TESK2: variants seen among roughly 807,000 people sequenced by gnomAD.
The protein encoded by TESK2 is dual specificity testis-specific protein kinase 2.
A neutral mutation model predicts 57.1 loss-of-function variants in TESK2; 39 were observed. That is an observed-to-expected ratio of 0.68 (90% CI 0.53 to 0.89). The LOEUF (loss-of-function observed/expected upper bound fraction) is 0.89. Among genes scored for constraint, TESK2 ranks in the 40% least tolerant of loss-of-function variants. The pLI is 0.00. For missense variants in TESK2, 646 were observed against 732.1 expected (o/e 0.88, Z 1.36); for synonymous variants, 249 against 267.9 (o/e 0.93, Z 0.69).
At chr1:45,416,277 GGTTTTCTCTACAAAAACCAT>G (rs1335629978) in intron 3 of TESK2, among the ~76,000 whole-genome samples, 1 of 149,924 alleles carries the variant, frequency 6.7e-6, no homozygotes, top group Non-Finnish European at 1.5e-5. Context: ...GAGAAAACAA[GGTTTTCTCTACAAAAACCAT>G]GTTTTCTCTA....
At chr1:45,349,806 G>GA (rs1436719854) in intron 5 of TESK2, among the ~76,000 whole-genome samples, 6 of 152,348 alleles carry the variant, frequency 3.9e-5, no homozygotes, top group African/African-American at 1.4e-4. Context: ...TGTGTTAAAT[G>GA]AAAGTTTAGT....
At chr1:45,382,314 C>T (rs1648694936) in intron 4 of TESK2, among the ~76,000 whole-genome samples, 1 of 152,174 alleles carries the variant, frequency 6.6e-6, no homozygotes, top group Non-Finnish European at 1.5e-5. Context: ...GTATGGCTCA[C>T]TGCAGCCTCA....
chr1:45,384,050 A>G (rs1648762550), intron 4 of TESK2, among the ~76,000 whole-genome samples: 1 of 152,198 alleles, frequency 6.6e-6, no homozygotes, highest in Admixed American at 6.5e-5. Context: ...TTGTTCAAAG[A>G]GTTAACATGT....
rs114085382 is a variant in TESK2 at position 45,410,618 on chromosome 1, T to A, written c.344+11107A>T. Among the ~76,000 whole-genome samples, 1,102 of 150,652 alleles carry A rather than the reference T, an allele frequency of 7.3e-3. 15 individuals are homozygous for A. The highest frequency in any genetic ancestry group is 0.025 in the African/African-American group (1,034 of 41,124). ...GAAACTCCAACTCAAAAAAAAAAAA[T>A]TTTTTTTTAAAACACTGCCCATTTA... On this transcript the variant is annotated intron_variant, in intron 3 of 10. Coordinates refer to ENST00000372086, the MANE Select transcript of TESK2 (RefSeq NM_007170.3).
At chr1:45,416,794 T>C (rs1650260269) in intron 3 of TESK2, among the ~76,000 whole-genome samples, 1 of 151,758 alleles carries the variant, frequency 6.6e-6, no homozygotes, top group Admixed American at 6.6e-5. Context: ...CTCCACATTT[T>C]TTTTTTTTTT....
chr1:45,405,637 T>C (rs1649810471), intron 3 of TESK2, among the ~76,000 whole-genome samples: 1 of 145,458 alleles, frequency 6.9e-6, no homozygotes. Flanking sequence ...AAAAAATATA[T>C]CTATATCTAT....
chr1:45,434,910 C>A (rs532011143), intron 2 of TESK2, among the ~76,000 whole-genome samples: 1 of 150,026 alleles, frequency 6.7e-6, no homozygotes, highest in African/African-American at 2.4e-5. Context: ...GCCATAAAAT[C>A]TTTGCCTAGA....
intron 2 of TESK2, among the ~76,000 whole-genome samples, chr1:45,452,709 G>A (rs1651917842): frequency 6.6e-6 from 1 of 151,478 alleles, no homozygotes; most frequent in Non-Finnish European, 1.5e-5. Context: ...AGGCCCAGGA[G>A]TTCAAGACAA....
rs1398584896 is a variant in TESK2, at chr1:45,457,684, C to G, written c.102G>C (p.Gln34His). The stretch of plus-strand genomic sequence containing the variant: ...ACGAAGATGGCCAAACTCTTCCCAC[C>G]TGGCTCACATTTCCTTCTCCTCCAC... The part of the protein sequence containing the change: ...GGGGGEGNVS[Q>H]VGRVWPSSYR... The change falls in exon 2 of 11, where the codon CAG (glutamine) becomes CAC (histidine). Residue 34 changes from glutamine (Q) to histidine (H), a missense_variant. Gln to His is a conservative substitution (Grantham distance 24). Transcript: ENST00000372086. The G allele has an allele frequency of 1.2e-6, 2 of 1,614,162 alleles. No individual in the cohort carries two copies. The highest frequency in any genetic ancestry group is 1.7e-6 in the Non-Finnish European group (2 of 1,180,026).
At chr1:45,478,354 T>C (rs1290103753) in intron 1 of TESK2, among the ~76,000 whole-genome samples, 1 of 152,194 alleles carries the variant, frequency 6.6e-6, no homozygotes, top group African/African-American at 2.4e-5. Flanking sequence ...CATATAGTAT[T>C]TTAATTGTTG....
In TESK2 at chr1:45,457,647, T is replaced by C. The variant is rs1652162500; in HGVS notation, c.139A>G (p.Ile47Val). Residue 47 changes from isoleucine to valine, a missense_variant, in exon 2 of 11, where the codon ATA (isoleucine) becomes GTA (valine). Coordinates refer to ENST00000372086, the MANE Select transcript of TESK2 (RefSeq NM_007170.3). ...CGCGTCAGTCTGGAAAAGGCACTTA[T>C]AAGAGCTCGATACGAAGATGGCCAA... is the stretch of plus-strand genomic sequence containing the variant. ...RVWPSSYRAL[I>V]SAFSRLTRLD... The C allele has an allele frequency of 1.9e-6, 3 of 1,614,114 alleles. No homozygotes were observed. Among genetic ancestry groups the C allele is most frequent in the Non-Finnish European group, 2.5e-6 (3 of 1,180,020 alleles).
At chr1:45,412,273 A>G (rs1650063731) in intron 3 of TESK2, among the ~76,000 whole-genome samples, 1 of 152,260 alleles carries the variant, frequency 6.6e-6, no homozygotes, top group Non-Finnish European at 1.5e-5. Flanking sequence ...TCCAGGTGAA[A>G]GTGAAGAAGG....
chr1:45,343,898 CTTTATT>C lies in TESK2; in HGVS notation c.*936_*941del, dbSNP rs1325374118. On this transcript the variant is annotated 3_prime_UTR_variant, in exon 11 of 11. Coordinates refer to ENST00000372086, the MANE Select transcript of TESK2 (RefSeq NM_007170.3). The surrounding 1 kb of genome is among the most constrained non-coding windows in gnomAD (Gnocchi z 4.3). Reference sequence around the variant, plus strand: ...GGCTGACCAGCACCTGTAACACTGACTTTATTTTTAAGTCTGAAAATGTCTTGGGAA... The same window carrying C: ...GGCTGACCAGCACCTGTAACACTGACTTTAAGTCTGAAAATGTCTTGGGAA... 3 of 484,232 alleles carry C rather than the reference CTTTATT, an allele frequency of 6.2e-6. No individual in the cohort carries two copies. Among genetic ancestry groups the C allele is most frequent in the African/African-American group, 3.9e-5 (2 of 51,914 alleles). The allele number at this position is 484,232 out of a possible 1,614,324, so 30.0% of individuals were successfully genotyped here.
chr1:45,425,051 C>A (rs1467069177), intron 2 of TESK2, among the ~76,000 whole-genome samples: 1 of 152,008 alleles, frequency 6.6e-6, no homozygotes, highest in Non-Finnish European at 1.5e-5. Context: ...TACTGGACAC[C>A]CTAGCTAGAG....
intron 5 of TESK2, among the ~76,000 whole-genome samples, chr1:45,353,314 A>G (rs996067733): frequency 1.6e-4 from 24 of 152,232 alleles, no homozygotes; most frequent in Admixed American, 1.3e-3. Context: ...TCTTACAGAC[A>G]GTAATGTAGA....
At chr1:45,395,609 CTTTT>C (rs201678906) in intron 3 of TESK2, among the ~76,000 whole-genome samples, 3 of 132,560 alleles carry the variant, frequency 2.3e-5, no homozygotes, top group Admixed American at 7.4e-5. Context: ...CTTTTCTTTT[CTTTT>C]TTTTTTTTTT....
chr1:45,450,192 A>G (rs1651814646), intron 2 of TESK2, among the ~76,000 whole-genome samples: 1 of 152,224 alleles, frequency 6.6e-6, no homozygotes, highest in Non-Finnish European at 1.5e-5. Context: ...AAAGTTCTAT[A>G]GCAGAATATG....
At chr1:45,411,408 A>G (rs1009440422) in intron 3 of TESK2, among the ~76,000 whole-genome samples, 1 of 152,158 alleles carries the variant, frequency 6.6e-6, no homozygotes, top group East Asian at 1.9e-4. Flanking sequence ...CTCATAAGGG[A>G]CGTGCAACCA....
chr1:45,394,342 T>C (rs2149277771), intron 3 of TESK2, among the ~76,000 whole-genome samples: 1 of 150,512 alleles, frequency 6.6e-6, no homozygotes, highest in Admixed American at 6.6e-5. Context: ...TTTTTTTTTT[T>C]TTGGTAGAGA....
Sources: allele counts gnomAD v4.1 joint callset (sites outside exome capture counted in the v4.1 genomes callset), GRCh38; gene constraint gnomAD v4.1.1; non-coding constraint Gnocchi (gnomAD v3.1); transcripts MANE v1.5; gene names NCBI Gene and HGNC (gene_info 2026-07-23, HGNC 2026-07-21).